TUB: variants seen among roughly 807,000 people sequenced by gnomAD.
The protein encoded by TUB is tubby protein homolog.
Under a neutral mutation model 59.7 loss-of-function variants are expected in TUB, and 33 were observed. The observed-to-expected ratio is 0.55, with a 90% CI of 0.42 to 0.74. TUB has a LOEUF of 0.74. Ranked by LOEUF, TUB falls within the 30% of genes least tolerant of loss-of-function variation. The pLI is 0.00. For missense variants in TUB, 659 were observed against 672.0 expected, an observed-to-expected ratio of 0.98 and a Z score of 0.21; for synonymous variants, 293 against 256.4, an observed-to-expected ratio of 1.14 and a Z score of -1.36.
intron 1 of TUB, among the ~76,000 whole-genome samples, chr11:8,085,827 T>G (rs1564915454): frequency 6.6e-6 from 1 of 152,218 alleles, no homozygotes; most frequent in Non-Finnish European, 1.5e-5. Context: ...GGATGTTGGC[T>G]GTGTGTGCTT....
chr11:8,058,167 A>C (rs1943051104), intron 2 of TUB, among the ~76,000 whole-genome samples: 1 of 150,462 alleles, frequency 6.6e-6, no homozygotes, highest in Non-Finnish European at 1.5e-5. Flanking sequence ...AGCCGAGATC[A>C]CACCACTGCA....
Position 8,098,743 on chromosome 11 carries a change from G to C in TUB, c.999-15G>C. On this transcript the variant is annotated splice_polypyrimidine_tract_variant and intron_variant, in intron 8 of 11. Coordinates refer to ENST00000299506, the MANE Select transcript of TUB (RefSeq NM_177972.3). ...GAGGGTGCATGACTCTATACTGATTGTGCCTTTATTTCAGGTCCAACTTGA... is the reference window on the plus strand; with the variant it reads ...GAGGGTGCATGACTCTATACTGATTCTGCCTTTATTTCAGGTCCAACTTGA... 6.3e-7 allele frequency: 1 copy of C among 1,592,428 alleles called. No homozygotes were observed. Among genetic ancestry groups the C allele is most frequent in the African/African-American group, 1.3e-5 (1 of 74,518 alleles).
chr11:8,048,185 C>G (rs1005192873), intron 2 of TUB, among the ~76,000 whole-genome samples: 2 of 152,108 alleles, frequency 1.3e-5, no homozygotes, highest in African/African-American at 4.8e-5. Flanking sequence ...CACAGTAACC[C>G]TATGAGGTGA....
chr11:8,103,421 T>A lies in TUB; in HGVS notation c.*1802T>A, dbSNP rs1944391030. Reference sequence around the variant, plus strand: ...TAAAATAGAAGTTGTATTTTAAACGTGTTAGGCTTTATAGGTGAAGGACTT... The same window carrying A: ...TAAAATAGAAGTTGTATTTTAAACGAGTTAGGCTTTATAGGTGAAGGACTT... On this transcript the variant is annotated 3_prime_UTR_variant, in exon 12 of 12. Transcript: ENST00000299506. 1 of 152,280 alleles carries A rather than the reference T, an allele frequency of 6.6e-6. No individual in the cohort carries two copies. Among genetic ancestry groups the A allele is most frequent in the African/African-American group, 2.4e-5 (1 of 41,462 alleles). The allele number at this position is 152,280 out of a possible 1,614,324, so 9.4% of individuals were successfully genotyped here. A position where few individuals can be genotyped will look rare whatever the true frequency, so the allele number is the denominator to read the frequency against.
At chr11:8,077,846 C>T (rs927781072), upstream of TUB, 1 of 152,230 alleles carries the variant, frequency 6.6e-6, no homozygotes, top group Non-Finnish European at 1.5e-5. Context: ...ACCTGACCCC[C>T]ACTAAGGCCA....
chr11:8,093,165 C>G (rs1296930951), intron 3 of TUB, among the ~76,000 whole-genome samples: 1 of 151,846 alleles, frequency 6.6e-6, no homozygotes, highest in Non-Finnish European at 1.5e-5. Context: ...CCTGCTCTGA[C>G]GAGGGAGGCA....
chr11:8,027,669 A>G (rs893276524), intron 1 of TUB, among the ~76,000 whole-genome samples: 2 of 152,042 alleles, frequency 1.3e-5, no homozygotes, highest in Non-Finnish European at 2.9e-5. Flanking sequence ...TACCCACCAC[A>G]ACGCCTGGCT....
chr11:8,045,857 C>G (rs1942821879), intron 2 of TUB, among the ~76,000 whole-genome samples: 1 of 152,152 alleles, frequency 6.6e-6, no homozygotes, highest in South Asian at 2.1e-4. Context: ...AGGACCCTCC[C>G]TGATCTGATG....
chr11:8,039,868 T>C, intron 2 of TUB: 1 of 471,308 alleles, frequency 2.1e-6, no homozygotes, highest in Non-Finnish European at 3.6e-6. Flanking sequence ...CAAAGCCTGC[T>C]CTTATTGTGT....
chr11:8,031,825 C>T (rs1257867424), intron 1 of TUB, among the ~76,000 whole-genome samples: 2 of 152,214 alleles, frequency 1.3e-5, no homozygotes, highest in Non-Finnish European at 2.9e-5. Flanking sequence ...GCCAGTCTCG[C>T]AGGGCAGGGG....
chr11:8,054,601 G>A (rs190725402), intron 2 of TUB, among the ~76,000 whole-genome samples: 1 of 152,372 alleles, frequency 6.6e-6, no homozygotes, highest in East Asian at 1.9e-4. Context: ...CCGAATGTCT[G>A]TTGTGGCATA....
rs145905715 is a variant in TUB at position 8,100,687 on chromosome 11, G to GTA, written c.1215+88_1215+89dup. The GTA allele has an allele frequency of 5.1e-5, 77 of 1,523,486 alleles. No individual in the cohort carries two copies. The African/African-American group carries it at 9.4e-4, about 19-fold the overall frequency. 94.4% of individuals were successfully genotyped at this position (1,523,486 alleles called of 1,614,324 possible). The stretch of plus-strand genomic sequence containing the variant: ...AAGGGCAGAACTCCAGCTGATGTGT[G>GTA]TATGTGGAGGGGTACCATGTGAGAA... On this transcript the variant is annotated intron_variant, in intron 10 of 11. Transcript: ENST00000299506.
upstream of TUB, among the ~76,000 whole-genome samples, chr11:8,037,401 G>A (rs754041123): frequency 2.0e-5 from 3 of 152,222 alleles, no homozygotes; most frequent in Non-Finnish European, 4.4e-5. Context: ...AGTGTTAACA[G>A]AATGTGTTCA....
At chr11:8,056,838 G>T (rs1841791689) in intron 2 of TUB, among the ~76,000 whole-genome samples, 1 of 152,110 alleles carries the variant, frequency 6.6e-6, no homozygotes, top group African/African-American at 2.4e-5. Context: ...CAAGCACATG[G>T]TGTGTCTCAA....
At chr11:8,098,672 A>G (rs546125173) in intron 8 of TUB, 86 bp from the exon 9 acceptor site, 68 of 962,936 alleles carry the variant, frequency 7.1e-5, no homozygotes, top group Admixed American at 1.2e-4. Context: ...AATGTTTTGC[A>G]GGCTCCTCAT....
rs1944571194 is a variant in TUB, at chr11:8,105,862, A to C, written c.*4243A>C. 6.6e-6 allele frequency: 1 copy of C among 152,120 alleles called. No homozygotes were observed. Among genetic ancestry groups the C allele is most frequent in the Non-Finnish European group, 1.5e-5 (1 of 68,000 alleles). The allele number at this position is 152,120 out of a possible 1,614,324, so 9.4% of individuals were successfully genotyped here. A position where few individuals can be genotyped will look rare whatever the true frequency, so the allele number is the denominator to read the frequency against. The stretch of plus-strand genomic sequence containing the variant: ...GAGGCTGAGATCCAGAGTTTCCTAG[A>C]ACGCAACTTAGGATGGCTAGGAAAG... On this transcript the variant is annotated 3_prime_UTR_variant, in exon 12 of 12. Transcript: ENST00000299506.
chr11:8,050,896 T>G lies in TUB; in HGVS notation c.203+11204T>G, dbSNP rs1233784610. 2.6e-5 allele frequency among the ~76,000 whole-genome samples: 4 copies of G among 152,354 alleles called. No individual in the cohort carries two copies. In the East Asian group the frequency reaches 7.7e-4, roughly 29 times the overall value. ...CATCCTTTTGAGGGATGTAATCTTATGAGACAATTGCACACATATTCTCCA... is the reference window on the plus strand; with the variant it reads ...CATCCTTTTGAGGGATGTAATCTTAGGAGACAATTGCACACATATTCTCCA... On this transcript the variant is annotated intron_variant, in intron 2 of 12. Transcript: ENST00000305253.
upstream of TUB, among the ~76,000 whole-genome samples, chr11:8,036,360 A>G (rs1408704103): frequency 2.0e-5 from 3 of 152,190 alleles, no homozygotes; most frequent in Non-Finnish European, 4.4e-5. Context: ...ATAGGAATAC[A>G]TGGTTCCTGT....
chr11:8,056,677 TG>T (rs1414468502), intron 2 of TUB, among the ~76,000 whole-genome samples: 1 of 151,976 alleles, frequency 6.6e-6, no homozygotes, highest in Non-Finnish European at 1.5e-5. Context: ...GAGGTAGAGC[TG>T]GAGGAAAATC....
Sources: gnomAD v4.1 joint callset for allele counts (sites outside exome capture counted in the v4.1 genomes callset) on GRCh38, gnomAD v4.1.1 for gene constraint, MANE v1.5 for transcripts, NCBI Gene and HGNC (gene_info 2026-07-23, HGNC 2026-07-21) for gene names.